The following FAM98A variants were observed in gnomAD, a reference collection of about 807,000 sequenced individuals.
The protein encoded by FAM98A is protein FAM98A.
A neutral mutation model predicts 62.9 loss-of-function variants in FAM98A; 25 were observed. The observed-to-expected ratio is 0.40, with a 90% CI of 0.29 to 0.56. The LOEUF (loss-of-function observed/expected upper bound fraction) is 0.56, where lower values mean the gene tolerates loss of function less well. Ranked by LOEUF, FAM98A falls within the 20% of genes least tolerant of loss-of-function variation. FAM98A has a pLI of 0.51. For missense variants in FAM98A, 653 were observed against 640.7 expected (o/e 1.02, Z -0.21); for synonymous variants, 252 against 228.6 (o/e 1.10, Z -0.92).
chr2:33,588,419 C>T lies in FAM98A; in HGVS notation c.438G>A (p.Leu146=), dbSNP rs772245188. 6 of 1,613,690 alleles carry T rather than the reference C, an allele frequency of 3.7e-6. No individual in the cohort carries two copies. The highest frequency in any genetic ancestry group is 2.2e-5 in the South Asian group (2 of 91,050). The change falls in exon 4 of 8, where the codon TTG becomes TTA. Residue 146 remains leucine (L), a synonymous_variant. Coordinates refer to ENST00000238823, the MANE Select transcript of FAM98A (RefSeq NM_015475.5). ...EGGGSEVFQE[L]KGICIALGMS... is the part of the protein sequence containing the mutation. ...TTCCTAGAGCAATACATATGCCTTT[C>T]AACTCTTGAAAGACCTCACTACCGC...
chr2:33,588,189 TA>T, intron 4 of FAM98A, 145 bp downstream of exon 4: 1 of 671,562 alleles, frequency 1.5e-6, no homozygotes, highest in South Asian at 1.8e-5. Flanking sequence ...ATCTAGGATT[TA>T]AAACCCAAAA....
intron 4 of FAM98A, chr2:33,588,058 C>T (rs1245165771): frequency 2.4e-5 from 9 of 382,618 alleles, no homozygotes; most frequent in Non-Finnish European, 4.6e-5. Flanking sequence ...AAATCTTAAT[C>T]CTTTTTACAT....
At chr2:33,597,113 G>C (rs1558551629) in intron 1 of FAM98A, among the ~76,000 whole-genome samples, 1 of 152,040 alleles carries the variant, frequency 6.6e-6, no homozygotes, top group African/African-American at 2.4e-5. Flanking sequence ...AGGCCTAGAA[G>C]TTTCTCCTTG....
In FAM98A at chr2:33,595,528, C is replaced by A; in HGVS notation, c.163G>T (p.Val55Leu). 5.0e-6 allele frequency: 8 copies of A among 1,609,176 alleles called. No individual in the cohort carries two copies. The South Asian group carries it at 8.8e-5, about 18-fold the overall frequency. Residue 55 changes from valine to leucine, a missense_variant, in exon 2 of 8, where the codon GTG (valine) becomes TTG (leucine). Val to Leu is a conservative substitution (Grantham distance 32, BLOSUM62 1). Transcript: ENST00000238823. Reference sequence around the variant, plus strand: ...ACGTTTTCCTCTAGTTTACAGAGCACTCTTAATTCAGACACCAGCCAAGCA... The same window carrying A: ...ACGTTTTCCTCTAGTTTACAGAGCAATCTTAATTCAGACACCAGCCAAGCA... ...LCAWLVSELR[V>L]LCKLEENVQA... is the part of the protein sequence containing the mutation.
rs147172208 is a variant in FAM98A at position 33,585,384 on chromosome 2, G to C, written c.949C>G (p.Pro317Ala). 443 of 1,614,108 alleles carry C rather than the reference G, an allele frequency of 2.7e-4. 2 individuals are homozygous for C. The highest frequency in any genetic ancestry group is 6.7e-4 in the Admixed American group (40 of 60,012). Residue 317 changes from proline (P) to alanine (A), a missense_variant, in exon 8 of 8, where the codon CCA becomes GCA. By Grantham distance (27) the Pro-to-Ala change is conservative (BLOSUM62 -1). Coordinates refer to ENST00000238823, the MANE Select transcript of FAM98A (RefSeq NM_015475.5). Reference sequence around the variant, plus strand: ...CTCTTCTGCCACGGTGGCATCTCTGGGGGTGGAGGTTCGATTTCATTGGGT... The same window carrying C: ...CTCTTCTGCCACGGTGGCATCTCTGCGGGTGGAGGTTCGATTTCATTGGGT... ...GRPNEIEPPP[P>A]EMPPWQKRQD...
rs1344006352 is a variant in FAM98A at position 33,585,025 on chromosome 2, T to C, written c.1308A>G (p.Gly436=). 6.2e-7 allele frequency: 1 copy of C among 1,614,114 alleles called. No individual in the cohort carries two copies. The highest frequency in any genetic ancestry group is 1.1e-5 in the South Asian group (1 of 91,074). ...CCTGCTGGTAGCCACCACCCTGGTA[T>C]CCACTTCCTGTATATGAAGAAGATG... ...FQTSSSYTGS[G]YQGGGYQQDN... Residue 436 remains glycine, a synonymous_variant, in exon 8 of 8, where the codon GGA becomes GGG. Transcript: ENST00000238823.
intron 2 of FAM98A, among the ~76,000 whole-genome samples, chr2:33,592,549 T>C (rs1420853623): frequency 1.3e-5 from 2 of 152,268 alleles, no homozygotes; most frequent in African/African-American, 4.8e-5. Context: ...GAAAATTCTT[T>C]TGTAGAGACT....
At chr2:33,587,527 C>CT (rs1677583871) in intron 4 of FAM98A, 1 of 543,066 alleles carries the variant, frequency 1.8e-6, no homozygotes, top group East Asian at 3.2e-5. Context: ...TTCATTGCAC[C>CT]TAGAACAGTG....
intron 2 of FAM98A, among the ~76,000 whole-genome samples, chr2:33,593,435 T>C (rs1385589622): frequency 4.6e-5 from 7 of 152,112 alleles, no homozygotes; most frequent in Non-Finnish European, 8.8e-5. Context: ...TGTACTTATC[T>C]CCAGTTGTTT....
intron 4 of FAM98A, 117 bp from the exon 5 acceptor site, chr2:33,587,437 G>C: frequency 1.3e-6 from 1 of 792,450 alleles, no homozygotes; most frequent in Non-Finnish European, 2.1e-6. Context: ...CAAAGGTGGA[G>C]GATGTTTTGA....
At chr2:33,587,343 T>C (rs1441119306) in intron 4 of FAM98A, 23 bp from the exon 5 acceptor site, 4 of 1,541,824 alleles carry the variant, frequency 2.6e-6, no homozygotes, top group Middle Eastern at 1.7e-4. Context: ...CATAAATAAA[T>C]GAATAAAAAC....
Position 33,585,076 on chromosome 2 carries a change from T to C in FAM98A, c.1257A>G (p.Gln419=). 1 of 1,614,184 alleles carries C rather than the reference T, an allele frequency of 6.2e-7. No homozygotes were observed. Among genetic ancestry groups the C allele is most frequent in the East Asian group, 2.2e-5 (1 of 44,888 alleles). Residue 419 remains glutamine (Q), a synonymous_variant, in exon 8 of 8, where the codon CAA becomes CAG. Coordinates refer to ENST00000238823, the MANE Select transcript of FAM98A (RefSeq NM_015475.5). Reference sequence around the variant, plus strand: ...TTTGGAAGCCACCATAACCTCCGCCTTGATAGCCACCACTGCTGTGGCCAC... The same window carrying C: ...TTTGGAAGCCACCATAACCTCCGCCCTGATAGCCACCACTGCTGTGGCCAC... ...YHGGHSSGGY[Q]GGGYGGFQTS... is the part of the protein sequence containing the mutation.
At chr2:33,587,655 A>G (rs1411826435) in intron 4 of FAM98A, 5 of 269,566 alleles carry the variant, frequency 1.9e-5, no homozygotes, top group African/African-American at 1.1e-4. Context: ...TTTGTGCATC[A>G]TGGTGCTGGT....
chr2:33,594,582 C>A, intron 2 of FAM98A, among the ~76,000 whole-genome samples: 1 of 136,938 alleles, frequency 7.3e-6, no homozygotes, highest in Non-Finnish European at 1.5e-5. Flanking sequence ...TATATACACA[C>A]ACACACACAC....
chr2:33,589,511 A>G (rs886528160), intron 3 of FAM98A: 4 of 152,190 alleles, frequency 2.6e-5, no homozygotes, highest in Non-Finnish European at 4.4e-5. Flanking sequence ...CAACTTGTGT[A>G]TCAAATTTCC....
intron 2 of FAM98A, among the ~76,000 whole-genome samples, chr2:33,593,168 C>A (rs1327793346): frequency 6.6e-6 from 1 of 152,194 alleles, no homozygotes; most frequent in Non-Finnish European, 1.5e-5. Context: ...CTTTGGAAGG[C>A]CGAGACGAGT....
At position 33,595,713 on chromosome 2, in the gene FAM98A, C is replaced by A. The variant is rs1677797231; in HGVS notation, c.54-76G>T. 5.0e-6 allele frequency: 5 copies of A among 998,596 alleles called. No individual in the cohort carries two copies. The Admixed American group carries it at 8.8e-5, about 18-fold the overall frequency. 61.9% of individuals were successfully genotyped at this position (998,596 alleles called of 1,614,324 possible). ...TATTACAGATAAAACATATCTATGT[C>A]TTATTTATATAAGCAATAATTTAAT... On this transcript the variant is annotated intron_variant, in intron 1 of 7. Transcript: ENST00000238823.
chr2:33,589,057 A>C (rs1269241664), intron 3 of FAM98A: 1 of 152,302 alleles, frequency 6.6e-6, no homozygotes, highest in African/African-American at 2.4e-5. Context: ...AAGGCACCCC[A>C]GAGCTCCTTT....
At chr2:33,586,418 C>A in intron 6 of FAM98A, 144 bp downstream of exon 6, 1 of 536,872 alleles carries the variant, frequency 1.9e-6, no homozygotes, top group Non-Finnish European at 3.4e-6. Flanking sequence ...GTTGAAAGAG[C>A]CACTACTCAA....
Sources: allele counts gnomAD v4.1 joint callset (sites outside exome capture counted in the v4.1 genomes callset), GRCh38; gene constraint gnomAD v4.1.1; transcripts MANE v1.5; gene names NCBI Gene and HGNC (gene_info 2026-07-23, HGNC 2026-07-21).